CNGB1: variants seen among roughly 807,000 people sequenced by gnomAD.
CNGB1 encodes the protein cyclic nucleotide-gated channel beta-1.
A neutral mutation model predicts 151.7 loss-of-function variants in CNGB1; 126 were observed. The observed-to-expected ratio is 0.83, with a 90% CI of 0.72 to 0.96. The LOEUF (loss-of-function observed/expected upper bound fraction) is 0.96, where lower values mean the gene tolerates loss of function less well. Ranked by LOEUF, CNGB1 falls within the 40% of genes least tolerant of loss-of-function variation. The pLI, the probability that CNGB1 is intolerant of heterozygous loss-of-function variation, is 0.00. For synonymous variants in CNGB1, 623 were observed against 635.1 expected, an observed-to-expected ratio of 0.98 and a Z score of 0.29; for missense variants, 1,698 against 1,627.0, an observed-to-expected ratio of 1.04 and a Z score of -0.75.
At chr16:57,908,503 C>G (rs1228059413) in intron 25 of CNGB1, among the ~76,000 whole-genome samples, 11 of 152,264 alleles carry the variant, frequency 7.2e-5, no homozygotes, top group Non-Finnish European at 1.6e-4. Flanking sequence ...CTCATCCTCA[C>G]TATGGCTGAC....
chr16:57,909,515 A>G (rs1247809520), intron 25 of CNGB1, among the ~76,000 whole-genome samples: 1 of 152,012 alleles, frequency 6.6e-6, no homozygotes, highest in African/African-American at 2.4e-5. Flanking sequence ...CAGCCTCCCA[A>G]GTAGCTGGGA....
intron 31 of CNGB1, among the ~76,000 whole-genome samples, chr16:57,888,405 T>C (rs1213172893): frequency 6.6e-6 from 1 of 151,924 alleles, no homozygotes; most frequent in East Asian, 1.9e-4. Flanking sequence ...CTCTCTCTCC[T>C]CTCTCTTCTG....
Position 57,949,364 on chromosome 16 carries a change from C to CTCT in CNGB1, c.1109_1110insAGA (p.Glu371dup), listed in dbSNP as rs780678769. 2 of 1,611,046 alleles carry CTCT rather than the reference C, an allele frequency of 1.2e-6. No homozygotes were observed. Among genetic ancestry groups the CTCT allele is most frequent in the African/African-American group, 2.7e-5 (2 of 74,360 alleles). On this transcript the variant is annotated inframe_insertion, in exon 14 of 33. Coordinates refer to ENST00000251102, the MANE Select transcript of CNGB1 (RefSeq NM_001297.5). ...AGCAAATGACTTACTCAGTCACCTC[C>CTCT]TCCTCTTCCTCCTCCTCCTCCTCTT... is the stretch of plus-strand genomic sequence containing the variant.
chr16:57,948,446 C>A (rs184507001), intron 14 of CNGB1, among the ~76,000 whole-genome samples: 1 of 151,938 alleles, frequency 6.6e-6, no homozygotes, highest in South Asian at 2.1e-4. Context: ...TGAGCCACCA[C>A]GCCTGGTCGA....
chr16:57,949,470 C>T, intron 13 of CNGB1, 31 bp from the exon 14 acceptor site: 1 of 1,612,892 alleles, frequency 6.2e-7, no homozygotes, highest in South Asian at 1.1e-5. Flanking sequence ...GGAGGTGAGC[C>T]CACCCGAAGC....
chr16:57,889,896 T>G (rs1229979388), intron 31 of CNGB1, among the ~76,000 whole-genome samples: 3 of 152,146 alleles, frequency 2.0e-5, no homozygotes, highest in Admixed American at 2.0e-4. Context: ...GGGCTGAGAT[T>G]ATTGTGCCTC....
rs946105626 is a variant in CNGB1, at chr16:57,949,524, T to C, written c.1035-85A>G. 10 of 1,599,174 alleles carry C rather than the reference T, an allele frequency of 6.3e-6. No homozygotes were observed. The Admixed American group carries it at 1.2e-4, about 19-fold the overall frequency. On this transcript the variant is annotated intron_variant, in intron 13 of 32. Coordinates refer to ENST00000251102, the MANE Select transcript of CNGB1 (RefSeq NM_001297.5). ...TCCTGCCTCTATTTTCTGTAGGATG[T>C]CCCATGACACCTGAGCCCAGACCTG...
At chr16:57,955,266 T>C (rs1378708741) in intron 12 of CNGB1, 3 of 1,549,378 alleles carry the variant, frequency 1.9e-6, no homozygotes, top group Non-Finnish European at 2.6e-6. Context: ...CCCGGGAAGG[T>C]CTTCTCTTCA....
chr16:57,949,147 G>T (rs1961883023), intron 14 of CNGB1, among the ~76,000 whole-genome samples: 1 of 152,038 alleles, frequency 6.6e-6, no homozygotes, highest in African/African-American at 2.4e-5. Context: ...GGGGGATGTG[G>T]AGTGGTGGGT....
At position 57,905,094 on chromosome 16, in the gene CNGB1, G is replaced by A. The variant is rs137971619; in HGVS notation, c.2493-219C>T. ...CTATCGGGTATGGTTGTGTCTCTAG[G>A]GACATGTTGCCATCCCCATTTACAG... On this transcript the variant is annotated intron_variant, in intron 25 of 32. Transcript: ENST00000251102. Among the ~76,000 whole-genome samples, 479 of 152,280 alleles carry A rather than the reference G, an allele frequency of 3.1e-3. 3 individuals carry two copies. The highest frequency in any genetic ancestry group is 0.011 in the East Asian group (58 of 5,180).
chr16:57,904,491 C>T (rs981855553), intron 26 of CNGB1, among the ~76,000 whole-genome samples: 1 of 152,190 alleles, frequency 6.6e-6, no homozygotes, highest in Admixed American at 6.5e-5. Flanking sequence ...AACCATTCAG[C>T]CCAGTGCACC....
intron 27 of CNGB1, among the ~76,000 whole-genome samples, 190 bp downstream of exon 27, chr16:57,903,632 G>C (rs1960449822): frequency 6.6e-6 from 1 of 152,214 alleles, no homozygotes. Context: ...TGACAGCCCT[G>C]CTAGAGGCAC....
chr16:57,884,248 C>CA lies in CNGB1; in HGVS notation c.3671_3672insT (p.Arg1224SerfsTer69). The CA allele has an allele frequency of 6.2e-7, 1 of 1,613,924 alleles. No individual in the cohort carries two copies. Among genetic ancestry groups the CA allele is most frequent in the Non-Finnish European group, 8.5e-7 (1 of 1,179,922 alleles). On this transcript the variant is annotated frameshift_variant, in exon 33 of 33. Transcript: ENST00000251102. LOFTEE classifies it low-confidence loss of function (END_TRUNC). ...GCTCCGGGCCCGGGCTCATGCAGATCCTCACCGAGTGCTCTTCGGGCTCGG... is the reference window on the plus strand; with the variant it reads ...GCTCCGGGCCCGGGCTCATGCAGATCACTCACCGAGTGCTCTTCGGGCTCGG...
Position 57,883,569 on chromosome 16 carries a change from G to C in CNGB1, c.*595C>G, listed in dbSNP as rs79806773. ...CTACAGGTGCACACCATCACGCCTG[G>C]CTATTGTTTTTTTGTTTGTTTTTGT... On this transcript the variant is annotated 3_prime_UTR_variant, in exon 33 of 33. Coordinates refer to ENST00000251102, the MANE Select transcript of CNGB1 (RefSeq NM_001297.5). 0.07 allele frequency: 11,845 copies of C among 168,104 alleles called. 494 individuals are homozygous for C. The highest frequency in any genetic ancestry group is 0.13 in the Middle Eastern group (44 of 334). 10.4% of individuals were successfully genotyped at this position (168,104 alleles called of 1,614,324 possible). A position where few individuals can be genotyped will look rare whatever the true frequency, so the allele number is the denominator to read the frequency against.
At chr16:57,897,249 T>C in intron 31 of CNGB1, 148 bp downstream of exon 31, 1 of 816,578 alleles carries the variant, frequency 1.2e-6, no homozygotes, top group Non-Finnish European at 1.9e-6. Flanking sequence ...CTGTAGTGAG[T>C]CATGATCACT....
intron 17 of CNGB1, among the ~76,000 whole-genome samples, chr16:57,929,277 C>T (rs60305907): frequency 6.6e-6 from 1 of 152,092 alleles, no homozygotes; most frequent in African/African-American, 2.4e-5. Flanking sequence ...GTGTATTAGT[C>T]CATTTTCACA....
At chr16:57,897,117 T>C (rs12924289) in intron 31 of CNGB1, among the ~76,000 whole-genome samples, 7,024 of 152,010 alleles carry the variant, frequency 0.046, 192 homozygotes, top group African/African-American at 0.064. Flanking sequence ...CTAGGCAACA[T>C]AGTGAGACCC....
chr16:57,939,064 G>A (rs1961588755), intron 16 of CNGB1, among the ~76,000 whole-genome samples: 1 of 152,190 alleles, frequency 6.6e-6, no homozygotes, highest in South Asian at 2.1e-4. Flanking sequence ...TTGAGCGGAA[G>A]TGGCAGGAGA....
chr16:57,961,662 ATGAATGAG>A (rs1344395695), intron 7 of CNGB1, among the ~76,000 whole-genome samples: 70 of 144,422 alleles, frequency 4.8e-4, no homozygotes, highest in African/African-American at 1.5e-3. Flanking sequence ...GAATGAATGA[ATGAATGAG>A]TGAATGAAGT....
Sources: gnomAD v4.1 joint callset for allele counts (sites outside exome capture counted in the v4.1 genomes callset) on GRCh38, gnomAD v4.1.1 for gene constraint, MANE v1.5 for transcripts, NCBI Gene and HGNC (gene_info 2026-07-23, HGNC 2026-07-21) for gene names.